Variants in HMCN1 observed in about 807,000 individuals in gnomAD.
HMCN1 encodes hemicentin 1.
Under a neutral mutation model 625.9 loss-of-function variants are expected in HMCN1, and 321 were observed. The ratio of observed to expected loss-of-function variants is 0.51; its 90% CI spans 0.47 to 0.56. The LOEUF is 0.56. Among genes scored for constraint, HMCN1 ranks in the 20% least tolerant of loss-of-function variants. HMCN1 has a pLI of 0.00. For synonymous variants in HMCN1, 2,425 were observed against 2,417.6 expected (o/e 1.00, Z -0.09); for missense variants, 6,588 against 6,887.3 (o/e 0.96, Z 1.54).
At chr1:186,168,955 C>G (rs1030750279) in intron 100 of HMCN1, among the ~76,000 whole-genome samples, 5 of 151,832 alleles carry the variant, frequency 3.3e-5, no homozygotes, top group African/African-American at 1.2e-4. Flanking sequence ...GCCTGATATT[C>G]CCCTCCCTGT....
At chr1:186,162,490 T>C (rs1344387111) in intron 97 of HMCN1, among the ~76,000 whole-genome samples, 1 of 152,134 alleles carries the variant, frequency 6.6e-6, no homozygotes, top group Non-Finnish European at 1.5e-5. Flanking sequence ...AGAGGTGCTC[T>C]GCTTTTTAGA....
At chr1:186,000,343 G>C (rs1653094081) in intron 26 of HMCN1, 104 bp downstream of exon 26, 3 of 819,798 alleles carry the variant, frequency 3.7e-6, no homozygotes, top group Admixed American at 2.0e-5. Flanking sequence ...AATGTGAATA[G>C]CAGTATTACC....
intron 1 of HMCN1, among the ~76,000 whole-genome samples, chr1:185,735,292 G>A (rs1653482374): frequency 6.6e-6 from 1 of 152,180 alleles, no homozygotes; most frequent in South Asian, 2.1e-4. Context: ...ACCTGGAAAT[G>A]TGGAGTTACG....
intron 2 of HMCN1, among the ~76,000 whole-genome samples, chr1:185,864,163 TAAGAG>T (rs1663037081): frequency 6.6e-6 from 1 of 152,158 alleles, no homozygotes; most frequent in East Asian, 1.9e-4. Context: ...TGAGAAAAAG[TAAGAG>T]AAGAGGGGGT....
intron 1 of HMCN1, among the ~76,000 whole-genome samples, chr1:185,761,271 C>T (rs375413180): frequency 8.5e-5 from 13 of 152,052 alleles, no homozygotes; most frequent in African/African-American, 2.9e-4. Flanking sequence ...AGAGCTTTTT[C>T]GTTGTTGTCT....
chr1:185,750,485 G>A (rs113345062), intron 1 of HMCN1, among the ~76,000 whole-genome samples: 66 of 152,058 alleles, frequency 4.3e-4, no homozygotes, highest in African/African-American at 1.5e-3. Flanking sequence ...GGGCTTTAAG[G>A]CCATGTTGTT....
rs1410999117 is a variant in HMCN1 at position 186,053,074 on chromosome 1, G to A, written c.6700G>A (p.Gly2234Ser). The A allele has an allele frequency of 6.2e-7, 1 of 1,607,802 alleles. No homozygotes were observed. Among genetic ancestry groups the A allele is most frequent in the Non-Finnish European group, 8.5e-7 (1 of 1,175,378 alleles). The change falls in exon 43 of 107, where the codon GGC becomes AGC. Residue 2234 changes from glycine (G) to serine (S), a missense_variant and splice_region_variant. Physicochemically the swap from Gly to Ser is moderately conservative, Grantham distance 56 (BLOSUM62 0). Coordinates refer to ENST00000271588, the MANE Select transcript of HMCN1 (RefSeq NM_031935.3). ...PPPNLIWKKK[G>S]SPVLTDSMGR... is the part of the protein sequence containing the mutation. ...CCCAAATCTCATCTGGAAGAAGAAAGGTCAGTTTTCATCCTTGAAATTTAT... is the reference window on the plus strand; with the variant it reads ...CCCAAATCTCATCTGGAAGAAGAAAAGTCAGTTTTCATCCTTGAAATTTAT...
rs555762517 is a variant in HMCN1, at chr1:185,869,638, A to G, written c.621+3775A>G. 3.9e-5 allele frequency among the ~76,000 whole-genome samples: 6 copies of G among 152,288 alleles called. No individual in the cohort carries two copies. In the East Asian group the frequency reaches 9.7e-4, roughly 24 times the overall value. ...AACTGTACAAGTCAATATATTCCTT[A>G]AAGAAAGCTACCACCACAGAAGATT... On this transcript the variant is annotated intron_variant, in intron 4 of 106. Transcript: ENST00000271588.
chr1:185,934,138 A>T (rs935298591), intron 11 of HMCN1, among the ~76,000 whole-genome samples: 60 of 152,288 alleles, frequency 3.9e-4, no homozygotes, highest in African/African-American at 1.1e-3. Context: ...GGATTTTTTT[A>T]AAAAATACTA....
intron 24 of HMCN1, 94 bp downstream of exon 24, chr1:185,995,181 A>G: frequency 8.5e-7 from 1 of 1,179,870 alleles, no homozygotes; most frequent in Non-Finnish European, 1.3e-6. Context: ...ATCTTAAATG[A>G]CTTCAGAAAG....
chr1:186,148,935 C>CTTTTTTTTTT (rs57126500), intron 93 of HMCN1, among the ~76,000 whole-genome samples: 5 of 143,300 alleles, frequency 3.5e-5, no homozygotes, highest in Non-Finnish European at 4.6e-5. Flanking sequence ...TGAAAGGAAT[C>CTTTTTTTTTT]TTTTTTTTTT....
intron 2 of HMCN1, among the ~76,000 whole-genome samples, chr1:185,860,593 C>T (rs945393956): frequency 3.3e-5 from 5 of 152,088 alleles, no homozygotes; most frequent in Non-Finnish European, 7.4e-5. Context: ...AACAGGCATG[C>T]GCTACCATGC....
Position 186,166,928 on chromosome 1 carries a change from G to A in HMCN1, c.15560G>A (p.Gly5187Glu). ...AGTGGCTTTCGAAGAACCTCTGATGGGCTGAGTTGTCAAGGTATAAAAATG... is the reference window on the plus strand; with the variant it reads ...AGTGGCTTTCGAAGAACCTCTGATGAGCTGAGTTGTCAAGGTATAAAAATG... ...CGSGFRRTSD[G>E]LSCQDINECQ... The change falls in exon 100 of 107, where the codon GGG (glycine) becomes GAG (glutamate). Residue 5187 changes from glycine to glutamate, a missense_variant. Physicochemically the swap from Gly to Glu is moderately conservative, Grantham distance 98. Coordinates refer to ENST00000271588, the MANE Select transcript of HMCN1 (RefSeq NM_031935.3). 6.2e-7 allele frequency: 1 copy of A among 1,614,106 alleles called. No homozygotes were observed. The highest frequency in any genetic ancestry group is 1.1e-5 in the South Asian group (1 of 91,082).
In HMCN1 at chr1:185,846,115, T is replaced by A. The variant is rs1396985344; in HGVS notation, c.339+19T>A. On this transcript the variant is annotated intron_variant, in intron 2 of 106. Coordinates refer to ENST00000271588, the MANE Select transcript of HMCN1 (RefSeq NM_031935.3). ...TGTTCAGGTGAGTGCTTGCTTTCAGTGTTCTCTTGGGGGAATGGAAAATCA... is the reference window on the plus strand; with the variant it reads ...TGTTCAGGTGAGTGCTTGCTTTCAGAGTTCTCTTGGGGGAATGGAAAATCA... The A allele has an allele frequency of 5.1e-6, 8 of 1,555,090 alleles. No individual in the cohort carries two copies. The Admixed American group carries it at 6.7e-5, about 13-fold the overall frequency.
chr1:186,099,641 A>G (rs1442302077), intron 68 of HMCN1, among the ~76,000 whole-genome samples: 1 of 152,166 alleles, frequency 6.6e-6, no homozygotes, highest in Non-Finnish European at 1.5e-5. Flanking sequence ...TTATATGGAT[A>G]AAACAACATT....
intron 68 of HMCN1, among the ~76,000 whole-genome samples, chr1:186,099,761 G>T (rs897201472): frequency 6.6e-6 from 1 of 152,104 alleles, no homozygotes; most frequent in African/African-American, 2.4e-5. Flanking sequence ...TCACCTGGAG[G>T]TAATACAATT....
chr1:185,925,101 G>T lies in HMCN1; in HGVS notation c.1340G>T (p.Gly447Val). Residue 447 changes from glycine (G) to valine (V), a missense_variant, in exon 9 of 107, where the codon GGC becomes GTC. Physicochemically the swap from Gly to Val is moderately radical, Grantham distance 109. Coordinates refer to ENST00000271588, the MANE Select transcript of HMCN1 (RefSeq NM_031935.3). ...ACCCCAGGATACTATCTGCAGCCGG[G>T]CCAAATTCCCTGCTCTGTTGACAGT... ...EKTPGYYLQP[G>V]QIPCSVDSLL... 6.2e-7 allele frequency: 1 copy of T among 1,613,860 alleles called. No homozygotes were observed. The highest frequency in any genetic ancestry group is 8.5e-7 in the Non-Finnish European group (1 of 1,179,868).
intron 4 of HMCN1, among the ~76,000 whole-genome samples, chr1:185,893,597 C>T (rs894117163): frequency 6.6e-5 from 10 of 152,088 alleles, no homozygotes; most frequent in East Asian, 1.9e-4. Flanking sequence ...TTTGCTACCA[C>T]GGAAACGTTT....
At chr1:185,976,451 C>G (rs1332927264) in intron 15 of HMCN1, among the ~76,000 whole-genome samples, 1 of 152,142 alleles carries the variant, frequency 6.6e-6, no homozygotes, top group Non-Finnish European at 1.5e-5. Context: ...TGAGAGACAA[C>G]TGTACATCAA....
Sources: gnomAD v4.1 joint callset for allele counts (sites outside exome capture counted in the v4.1 genomes callset) on GRCh38, gnomAD v4.1.1 for gene constraint, MANE v1.5 for transcripts, NCBI Gene and HGNC (gene_info 2026-07-23, HGNC 2026-07-21) for gene names.